TEX52: variants seen among roughly 807,000 people sequenced by gnomAD.
TEX52 encodes testis expressed 52.
Under a neutral mutation model 17.6 loss-of-function variants are expected in TEX52, and 22 were observed. That is an observed-to-expected ratio of 1.25 (90% CI 0.89 to 1.78). TEX52 has a LOEUF of 1.78. Among genes scored for constraint, TEX52 ranks in the 40% most tolerant of loss-of-function variants. The probability of loss-of-function intolerance (pLI) is 0.00; values close to 1 mark genes in which losing one functional copy is unlikely to be tolerated. For synonymous variants in TEX52, 168 were observed against 147.4 expected (o/e 1.14, Z -1.01); for missense variants, 396 against 372.3 (o/e 1.06, Z -0.52).
intron 2 of TEX52, among the ~76,000 whole-genome samples, chr12:2,850,172 G>A (rs368610900): frequency 9.0e-4 from 137 of 152,144 alleles, no homozygotes; most frequent in African/African-American, 2.9e-3. Flanking sequence ...TCAAACCTCA[G>A]CATTTGAAAA....
At chr12:2,848,877 GCA>G (rs3056877), downstream of TEX52, among the ~76,000 whole-genome samples, 7,955 of 140,178 alleles carry the variant, frequency 0.057, 375 homozygotes, top group East Asian at 0.27. Flanking sequence ...ACACACACAC[GCA>G]CACACACACA....
chr12:2,849,600 G>C, intron 2 of TEX52, 75 bp from the exon 3 acceptor site: 1 of 1,494,700 alleles, frequency 6.7e-7, no homozygotes, highest in East Asian at 2.5e-5. Context: ...ACGGGGAAGG[G>C]GAAGGGTGAT....
chr12:2,854,401 G>A (rs1004710193), intron 2 of TEX52, among the ~76,000 whole-genome samples: 1 of 152,228 alleles, frequency 6.6e-6, no homozygotes, highest in Non-Finnish European at 1.5e-5. Context: ...GTCGGTACCT[G>A]AGGCTCCCCC....
Position 2,849,209 on chromosome 12 carries a change from AT to A in TEX52, c.*21del, listed in dbSNP as rs1233814310. ...GGAGCCTGGGGCTCTGGGTATCACG[AT>A]CGTCCCCTCTGGAAGCCCTTCTAGA... On this transcript the variant is annotated 3_prime_UTR_variant, in exon 3 of 3. Coordinates refer to ENST00000637658, the MANE Select transcript of TEX52 (RefSeq NM_001365174.2). The A allele has an allele frequency of 1.3e-6, 2 of 1,525,344 alleles. No homozygotes were observed. Among genetic ancestry groups the A allele is most frequent in the Admixed American group, 2.0e-5 (1 of 48,952 alleles). The allele number at this position is 1,525,344 out of a possible 1,614,324, so 94.5% of individuals were successfully genotyped here. A position where few individuals can be genotyped will look rare whatever the true frequency, so the allele number is the denominator to read the frequency against.
At position 2,849,424 on chromosome 12, in the gene TEX52, T is replaced by C; in HGVS notation, c.725A>G (p.Asn242Ser). 6.5e-7 allele frequency: 1 copy of C among 1,535,882 alleles called. No individual in the cohort carries two copies. The highest frequency in any genetic ancestry group is 8.7e-7 in the Non-Finnish European group (1 of 1,146,878). Residue 242 changes from asparagine (N) to serine (S), a missense_variant, in exon 3 of 3, where the codon AAC becomes AGC. Physicochemically the swap from Asn to Ser is conservative, Grantham distance 46. Coordinates refer to ENST00000637658, the MANE Select transcript of TEX52 (RefSeq NM_001365174.2). ...NNFARSWPCP[N>S]PLPHYQEKVL... The stretch of plus-strand genomic sequence containing the variant: ...CTTCTCCTGGTAGTGAGGCAGAGGG[T>C]TTGGGCAGGGCCAGCTCCTGGCGAA...
At chr12:2,850,501 C>T (rs1400871567) in intron 2 of TEX52, among the ~76,000 whole-genome samples, 1 of 148,278 alleles carries the variant, frequency 6.7e-6, no homozygotes, top group Non-Finnish European at 1.5e-5. Context: ...AAAAATGGGG[C>T]CCCAGGTCAT....
In TEX52 at chr12:2,849,526, C is replaced by T; in HGVS notation, c.624-1G>A. ...CCCACCAGCGGATATGTGCCGGTAC[C>T]TGTTGGGAGAAGGGTATGGAGAGAA... On this transcript the variant is annotated splice_acceptor_variant, in intron 2 of 2. Coordinates refer to ENST00000637658, the MANE Select transcript of TEX52 (RefSeq NM_001365174.2). LOFTEE classifies it high-confidence loss of function. 1 of 1,536,002 alleles carries T rather than the reference C, an allele frequency of 6.5e-7. No individual in the cohort carries two copies. Among genetic ancestry groups the T allele is most frequent in the Non-Finnish European group, 8.7e-7 (1 of 1,146,860 alleles).
At chr12:2,848,315 C>T (rs1051784866), downstream of TEX52, among the ~76,000 whole-genome samples, 9 of 152,128 alleles carry the variant, frequency 5.9e-5, no homozygotes, top group African/African-American at 2.2e-4. Context: ...TTCTTCCCCT[C>T]CAGCCACCTT....
intron 1 of TEX52, among the ~76,000 whole-genome samples, chr12:2,856,011 C>T (rs533737694): frequency 5.9e-5 from 9 of 152,258 alleles, no homozygotes; most frequent in Admixed American, 2.6e-4. Flanking sequence ...TAGAAAGCAT[C>T]TAGAATGGCA....
Position 2,854,859 on chromosome 12 carries a change from C to T in TEX52, c.623+37G>A, listed in dbSNP as rs1473978955. 2.0e-6 allele frequency: 3 copies of T among 1,504,350 alleles called. No homozygotes were observed. In the East Asian group the frequency reaches 7.4e-5, roughly 37 times the overall value. The allele number at this position is 1,504,350 out of a possible 1,614,324, so 93.2% of individuals were successfully genotyped here. A position where few individuals can be genotyped will look rare whatever the true frequency, so the allele number is the denominator to read the frequency against. ...AGAGGGAGGGGTCACCTGGGCAGGGCAGGCTGGGTGGGCTCCCTGAGGAGG... is the reference window on the plus strand; with the variant it reads ...AGAGGGAGGGGTCACCTGGGCAGGGTAGGCTGGGTGGGCTCCCTGAGGAGG... On this transcript the variant is annotated intron_variant, in intron 2 of 2. Transcript: ENST00000637658.
Position 2,855,107 on chromosome 12 carries a change from G to C in TEX52, c.412C>G (p.Pro138Ala). The change falls in exon 2 of 3, where the codon CCC becomes GCC. Residue 138 changes from proline (P) to alanine (A), a missense_variant. Pro to Ala is a conservative substitution (Grantham distance 27). Transcript: ENST00000637658. ...CCCATCCAGGAGGGAGGGGGGATGG[G>C]GTGCTCCGTGGGGGGGCATCTGTGG... ...NAHRCPPTEH[P>A]IPPPSWMGQN... 6.5e-7 allele frequency: 1 copy of C among 1,535,464 alleles called. No homozygotes were observed. Among genetic ancestry groups the C allele is most frequent in the South Asian group, 1.2e-5 (1 of 84,022 alleles).
rs186777788 is a variant in TEX52 at position 2,855,316 on chromosome 12, G to A, written c.203C>T (p.Pro68Leu). 40 of 1,531,724 alleles carry A rather than the reference G, an allele frequency of 2.6e-5. No individual in the cohort carries two copies. In the African/African-American group the frequency reaches 3.1e-4, roughly 12 times the overall value. 94.9% of individuals were successfully genotyped at this position (1,531,724 alleles called of 1,614,324 possible). A position where few individuals can be genotyped will look rare whatever the true frequency, so the allele number is the denominator to read the frequency against. ...CTTGGACTTCATATCTGTGCAGGGC[G>A]GCAGCTTCAGAGCCAGCTGGTGGTA... The part of the protein sequence containing the change: ...QAYHQLALKL[P>L]PCTDMKSKVR... Residue 68 changes from proline to leucine, a missense_variant, in exon 2 of 3, where the codon CCG (proline) becomes CTG (leucine). By Grantham distance (98) the Pro-to-Leu change is moderately conservative. Transcript: ENST00000637658.
chr12:2,854,635 C>T (rs2098081452), intron 2 of TEX52, among the ~76,000 whole-genome samples: 1 of 152,200 alleles, frequency 6.6e-6, no homozygotes, highest in Admixed American at 6.5e-5. Context: ...GGCACTGAGT[C>T]ACACTTCTCT....
rs1479142663 is a variant in TEX52, at chr12:2,855,101, G to A, written c.418C>T (p.Pro140Ser). The change falls in exon 2 of 3, where the codon CCC becomes TCC. Residue 140 changes from proline to serine, a missense_variant. Physicochemically the swap from Pro to Ser is moderately conservative, Grantham distance 74 (BLOSUM62 -1). Transcript: ENST00000637658. ...HRCPPTEHPI[P>S]PPSWMGQNSF... is the part of the protein sequence containing the mutation. ...TTTTGCCCCATCCAGGAGGGAGGGGGGATGGGGTGCTCCGTGGGGGGGCAT... is the reference window on the plus strand; with the variant it reads ...TTTTGCCCCATCCAGGAGGGAGGGGAGATGGGGTGCTCCGTGGGGGGGCAT... The A allele has an allele frequency of 2.0e-6, 3 of 1,535,582 alleles. No homozygotes were observed. The highest frequency in any genetic ancestry group is 3.9e-5 in the Admixed American group (2 of 50,954).
intron 1 of TEX52, 78 bp from the exon 2 acceptor site, chr12:2,855,524 C>T: frequency 8.7e-7 from 1 of 1,147,392 alleles, no homozygotes; most frequent in Non-Finnish European, 1.2e-6. Flanking sequence ...ACTCCGCTCT[C>T]CTTCCCAGGC....
downstream of TEX52, among the ~76,000 whole-genome samples, chr12:2,848,877 G>GCGCACACACA (rs1555092608): frequency 8.7e-4 from 122 of 140,372 alleles, no homozygotes; most frequent in African/African-American, 3.0e-3. Flanking sequence ...ACACACACAC[G>GCGCACACACA]CACACACACA....
In TEX52 at chr12:2,849,200, G is replaced by A; in HGVS notation, c.*31C>T. On this transcript the variant is annotated 3_prime_UTR_variant, in exon 3 of 3. Coordinates refer to ENST00000637658, the MANE Select transcript of TEX52 (RefSeq NM_001365174.2). The stretch of plus-strand genomic sequence containing the variant: ...GAGAACACTGGAGCCTGGGGCTCTG[G>A]GTATCACGATCGTCCCCTCTGGAAG... 5.3e-6 allele frequency: 8 copies of A among 1,516,464 alleles called. 1 individual carries two copies. In the South Asian group the frequency reaches 1.0e-4, roughly 19 times the overall value. 93.9% of individuals were successfully genotyped at this position (1,516,464 alleles called of 1,614,324 possible). A position where few individuals can be genotyped will look rare whatever the true frequency, so the allele number is the denominator to read the frequency against.
chr12:2,855,104 T>TG lies in TEX52; in HGVS notation c.414dup (p.Ile139HisfsTer50). On this transcript the variant is annotated frameshift_variant, in exon 2 of 3. Coordinates refer to ENST00000637658, the MANE Select transcript of TEX52 (RefSeq NM_001365174.2). LOFTEE classifies it high-confidence loss of function. ...TGCCCCATCCAGGAGGGAGGGGGGA[T>TG]GGGGTGCTCCGTGGGGGGGCATCTG... 6.5e-7 allele frequency: 1 copy of TG among 1,534,936 alleles called. No individual in the cohort carries two copies. Among genetic ancestry groups the TG allele is most frequent in the Non-Finnish European group, 8.7e-7 (1 of 1,146,346 alleles).
chr12:2,851,445 C>T (rs890749233), intron 2 of TEX52, among the ~76,000 whole-genome samples: 3 of 151,960 alleles, frequency 2.0e-5, no homozygotes, highest in Non-Finnish European at 2.9e-5. Flanking sequence ...TGCATTCAAG[C>T]GATTCTCCTG....
Sources: allele counts gnomAD v4.1 joint callset (sites outside exome capture counted in the v4.1 genomes callset), GRCh38; gene constraint gnomAD v4.1.1; transcripts MANE v1.5; gene names NCBI Gene and HGNC (gene_info 2026-07-23, HGNC 2026-07-21).